The following GRM8 variants were observed in gnomAD, a reference collection of about 807,000 sequenced individuals.
GRM8 encodes the protein glutamate metabotropic receptor 8, also known as metabotropic glutamate receptor 8.
In GRM8, 47 loss-of-function variants were observed where a neutral mutation model predicts 87.2. The observed-to-expected ratio is 0.54, with a 90% CI of 0.43 to 0.69. GRM8 has a LOEUF of 0.69. GRM8 is among the 30% of genes least tolerant of loss of function. GRM8 has a pLI of 0.00. For missense variants in GRM8, 1,019 were observed against 1,139.2 expected (o/e 0.89, Z 1.52); for synonymous variants, 396 against 404.5 (o/e 0.98, Z 0.25).
At chr7:127,142,871 C>A (rs954324837) in intron 2 of GRM8, among the ~76,000 whole-genome samples, 1 of 152,070 alleles carries the variant, frequency 6.6e-6, no homozygotes, top group Non-Finnish European at 1.5e-5. Flanking sequence ...TTTAGTAGAA[C>A]AGACAGCAGA....
At chr7:126,471,872 A>G (rs1332969209) in intron 9 of GRM8, among the ~76,000 whole-genome samples, 3 of 152,124 alleles carry the variant, frequency 2.0e-5, no homozygotes, top group African/African-American at 7.2e-5. Context: ...TTCATTGAAC[A>G]GTGGTTTGTA....
At chr7:127,135,039 T>C (rs1381675785) in intron 2 of GRM8, among the ~76,000 whole-genome samples, 1 of 152,170 alleles carries the variant, frequency 6.6e-6, no homozygotes, top group East Asian at 1.9e-4. Context: ...TGTTAAATAA[T>C]TCTAATCATA....
intron 2 of GRM8, among the ~76,000 whole-genome samples, chr7:127,158,533 G>A (rs879496943): frequency 7.2e-5 from 11 of 152,164 alleles, no homozygotes; most frequent in Non-Finnish European, 1.3e-4. Flanking sequence ...AGGCAGGGAC[G>A]TCCAAGATCA....
intron 3 of GRM8, among the ~76,000 whole-genome samples, chr7:127,076,890 T>G (rs140103201): frequency 6.6e-6 from 1 of 152,168 alleles, no homozygotes; most frequent in Non-Finnish European, 1.5e-5. Flanking sequence ...TGTCTGTGGT[T>G]AAACAGTGGA....
chr7:126,456,527 A>AT (rs1331374067), intron 9 of GRM8, among the ~76,000 whole-genome samples: 1 of 77,764 alleles, frequency 1.3e-5, no homozygotes, highest in Non-Finnish European at 3.4e-5. Context: ...GCTAAAAAAA[A>AT]AAAAAAAAAA....
At chr7:127,103,097 C>T (rs144904842) in intron 3 of GRM8, among the ~76,000 whole-genome samples, 38 of 152,242 alleles carry the variant, frequency 2.5e-4, no homozygotes, top group Admixed American at 9.8e-4. Flanking sequence ...TCCACCTCAG[C>T]CCCCCAAAGT....
chr7:127,210,002 C>G (rs1796125997), intron 2 of GRM8, among the ~76,000 whole-genome samples: 1 of 152,048 alleles, frequency 6.6e-6, no homozygotes, highest in Admixed American at 6.5e-5. Flanking sequence ...GGGGAGCAAG[C>G]TGTTAAGTAG....
chr7:127,126,842 A>G (rs1173883912), intron 2 of GRM8, among the ~76,000 whole-genome samples: 1 of 152,026 alleles, frequency 6.6e-6, no homozygotes, highest in African/African-American at 2.4e-5. Context: ...TATCTGATTA[A>G]AGACTTTTAC....
intron 2 of GRM8, among the ~76,000 whole-genome samples, chr7:127,154,449 T>C (rs1297437174): frequency 2.0e-5 from 3 of 152,080 alleles, no homozygotes; most frequent in Non-Finnish European, 4.4e-5. Flanking sequence ...CCATTATAAA[T>C]TCCCACTCCT....
intron 9 of GRM8, among the ~76,000 whole-genome samples, chr7:126,466,377 A>T (rs568630923): frequency 1.8e-4 from 28 of 152,062 alleles, no homozygotes; most frequent in African/African-American, 6.3e-4. Context: ...TAGGAATATG[A>T]TAGTTGAAAA....
chr7:126,679,223 T>C (rs1487042985), intron 7 of GRM8, among the ~76,000 whole-genome samples: 3 of 152,262 alleles, frequency 2.0e-5, no homozygotes, highest in Admixed American at 1.3e-4. Flanking sequence ...TTTTAAATTA[T>C]TGCAGTTCAT....
chr7:126,663,528 C>T (rs745545237), intron 7 of GRM8, among the ~76,000 whole-genome samples: 5 of 152,110 alleles, frequency 3.3e-5, no homozygotes, highest in Non-Finnish European at 7.4e-5. Flanking sequence ...AGAAACAGAA[C>T]TTTTTAAAAC....
Position 126,787,071 on chromosome 7 carries a change from T to C in GRM8, c.1157-17006A>G, listed in dbSNP as rs1199391882. ...TTCTTGCTTTTGCAGTTCTAGATCATTATCTCCTCTAAATAGCCATCCTTC... is the reference window on the plus strand; with the variant it reads ...TTCTTGCTTTTGCAGTTCTAGATCACTATCTCCTCTAAATAGCCATCCTTC... On this transcript the variant is annotated intron_variant, in intron 6 of 10. Transcript: ENST00000339582. 2.0e-5 allele frequency among the ~76,000 whole-genome samples: 3 copies of C among 152,204 alleles called. No homozygotes were observed. In the East Asian group the frequency reaches 5.8e-4, roughly 29 times the overall value.
intron 3 of GRM8, among the ~76,000 whole-genome samples, chr7:126,940,865 C>T (rs1300204074): frequency 6.6e-6 from 1 of 152,096 alleles, no homozygotes; most frequent in Non-Finnish European, 1.5e-5. Context: ...CAGCCTGGAG[C>T]CAGTGCCCAC....
At chr7:126,993,846 C>A (rs1406898261) in intron 3 of GRM8, among the ~76,000 whole-genome samples, 1 of 152,174 alleles carries the variant, frequency 6.6e-6, no homozygotes. Flanking sequence ...AGTTTCTCTG[C>A]AAGTCTTGCT....
chr7:126,734,840 GA>G (rs1165743169), intron 7 of GRM8, among the ~76,000 whole-genome samples: 3 of 151,986 alleles, frequency 2.0e-5, no homozygotes, highest in African/African-American at 7.2e-5. Flanking sequence ...ATATTTTATT[GA>G]CATCTGCACT....
At chr7:127,116,272 A>G (rs928092124) in intron 2 of GRM8, among the ~76,000 whole-genome samples, 1 of 152,250 alleles carries the variant, frequency 6.6e-6, no homozygotes, top group African/African-American at 2.4e-5. Flanking sequence ...AAAAAATTAT[A>G]ATCAGTGCAT....
chr7:127,111,847 T>C (rs1164689702), intron 2 of GRM8, among the ~76,000 whole-genome samples: 1 of 152,002 alleles, frequency 6.6e-6, no homozygotes, highest in Non-Finnish European at 1.5e-5. Context: ...GTCAACACGG[T>C]GAAGCCCCAT....
intron 3 of GRM8, among the ~76,000 whole-genome samples, chr7:126,953,544 G>A (rs934979663): frequency 6.6e-6 from 1 of 152,084 alleles, no homozygotes; most frequent in African/African-American, 2.4e-5. Context: ...GTTTGCTGAT[G>A]TGTTGCATTT....
Sources: allele counts gnomAD v4.1 joint callset (sites outside exome capture counted in the v4.1 genomes callset), GRCh38; gene constraint gnomAD v4.1.1; transcripts MANE v1.5; gene names NCBI Gene and HGNC (gene_info 2026-07-23, HGNC 2026-07-21).